Variants in TBC1D19 observed in about 807,000 individuals in gnomAD.
The protein encoded by TBC1D19 is TBC1 domain family member 19, also known as TBC1 domain family, member 19.
TBC1D19 carries 60 observed loss-of-function variants against 89.0 expected under a neutral mutation model. The observed-to-expected ratio is 0.67, with a 90% CI of 0.55 to 0.84. TBC1D19 has a LOEUF of 0.84. TBC1D19 is among the 40% of genes least tolerant of loss of function. TBC1D19 has a pLI of 0.00. For synonymous variants in TBC1D19, 189 were observed against 199.7 expected, an observed-to-expected ratio of 0.95 and a Z score of 0.45; for missense variants, 500 against 610.8, an observed-to-expected ratio of 0.82 and a Z score of 1.91.
chr4:26,622,140 T>G (rs1190170843), intron 4 of TBC1D19, among the ~76,000 whole-genome samples: 1 of 152,034 alleles, frequency 6.6e-6, no homozygotes, highest in East Asian at 1.9e-4. Context: ...ATATACCTGA[T>G]GCTAAATGAC....
intron 12 of TBC1D19, among the ~76,000 whole-genome samples, chr4:26,685,223 G>C (rs1049584774): frequency 6.6e-6 from 1 of 152,250 alleles, no homozygotes; most frequent in Admixed American, 6.5e-5. Context: ...GTGTGCACAA[G>C]AGAACAGCAG....
chr4:26,696,151 G>A (rs990917435), intron 13 of TBC1D19, among the ~76,000 whole-genome samples: 1 of 152,134 alleles, frequency 6.6e-6, no homozygotes, highest in African/African-American at 2.4e-5. Context: ...TCAAAATAAA[G>A]GGATGGAGGA....
chr4:26,748,188 C>T (rs1341078212), intron 18 of TBC1D19, among the ~76,000 whole-genome samples: 1 of 152,062 alleles, frequency 6.6e-6, no homozygotes, highest in Non-Finnish European at 1.5e-5. Context: ...AAAGGAGGAC[C>T]CAGCATGTGT....
At chr4:26,640,871 T>A (rs1291808388) in intron 7 of TBC1D19, among the ~76,000 whole-genome samples, 13 of 152,238 alleles carry the variant, frequency 8.5e-5, no homozygotes, top group Non-Finnish European at 1.9e-4. Flanking sequence ...TAGTTGAGGC[T>A]TGAGTAGGTA....
Position 26,753,818 on chromosome 4 carries a change from A to C in TBC1D19, c.1436-2A>C, listed in dbSNP as rs781740136. The C allele has an allele frequency of 6.2e-7, 1 of 1,613,832 alleles. No homozygotes were observed. Among genetic ancestry groups the C allele is most frequent in the Non-Finnish European group, 8.5e-7 (1 of 1,179,800 alleles). Reference sequence around the variant, plus strand: ...GTTGAAGTAGTGTGCATTCTTTTCCAGTGCTGGCAGCTGCCGTGTTTGCTT... The same window carrying C: ...GTTGAAGTAGTGTGCATTCTTTTCCCGTGCTGGCAGCTGCCGTGTTTGCTT... On this transcript the variant is annotated splice_acceptor_variant, in intron 19 of 20. Coordinates refer to ENST00000264866, the MANE Select transcript of TBC1D19 (RefSeq NM_018317.4). LOFTEE classifies it high-confidence loss of function.
chr4:26,697,263 T>C (rs1714874174), intron 13 of TBC1D19, among the ~76,000 whole-genome samples: 1 of 151,978 alleles, frequency 6.6e-6, no homozygotes, highest in African/African-American at 2.4e-5. Flanking sequence ...CTAGAAGAAA[T>C]GGATAAATTC....
intron 13 of TBC1D19, among the ~76,000 whole-genome samples, chr4:26,706,257 T>C (rs1291171808): frequency 6.6e-6 from 1 of 152,204 alleles, no homozygotes; most frequent in Non-Finnish European, 1.5e-5. Flanking sequence ...TTAGTCTTGG[T>C]TGACTTTGTG....
chr4:26,598,586 G>C (rs1408534348), intron 1 of TBC1D19, among the ~76,000 whole-genome samples: 1 of 152,140 alleles, frequency 6.6e-6, no homozygotes, highest in African/African-American at 2.4e-5. Flanking sequence ...AGTAGAGACG[G>C]GGTTTCACCA....
intron 13 of TBC1D19, among the ~76,000 whole-genome samples, chr4:26,709,737 C>T (rs1323158050): frequency 2.0e-5 from 3 of 151,906 alleles, no homozygotes; most frequent in Non-Finnish European, 4.4e-5. Context: ...CAGTAGACTC[C>T]AGAGTTCTAA....
At chr4:26,582,785 C>T (rs947878834), upstream of TBC1D19, among the ~76,000 whole-genome samples, 34 of 152,154 alleles carry the variant, frequency 2.2e-4, no homozygotes, top group Non-Finnish European at 4.9e-4. Flanking sequence ...GATAAACCAA[C>T]TTTACCAAAT....
chr4:26,602,210 A>C (rs1416422359), intron 1 of TBC1D19, among the ~76,000 whole-genome samples: 3 of 152,206 alleles, frequency 2.0e-5, no homozygotes, highest in African/African-American at 4.8e-5. Flanking sequence ...TTTTCTCAAG[A>C]AGCTTATAGT....
At chr4:26,741,219 G>T (rs938786891) in intron 17 of TBC1D19, among the ~76,000 whole-genome samples, 1 of 151,874 alleles carries the variant, frequency 6.6e-6, no homozygotes, top group East Asian at 1.9e-4. Flanking sequence ...AGCCTGGCGC[G>T]GTGGCGGGCG....
intron 1 of TBC1D19, among the ~76,000 whole-genome samples, chr4:26,605,639 A>G (rs1276734204): frequency 6.6e-6 from 1 of 152,166 alleles, no homozygotes; most frequent in Non-Finnish European, 1.5e-5. Context: ...ACTGACTTCC[A>G]CAATGGTTGA....
At chr4:26,765,798 G>A in the TBC1D19 span, among the ~76,000 whole-genome samples, 1 of 152,168 alleles carries the variant, frequency 6.6e-6, no homozygotes, top group East Asian at 1.9e-4. Context: ...TTCTAATCTA[G>A]TGAATTTGGT....
At chr4:26,783,079 A>G in the TBC1D19 span, among the ~76,000 whole-genome samples, 1 of 152,364 alleles carries the variant, frequency 6.6e-6, no homozygotes, top group East Asian at 1.9e-4. Context: ...ATCAGCTTCA[A>G]GCATGGATCA....
At chr4:26,856,894 G>A in the TBC1D19 span, among the ~76,000 whole-genome samples, 1 of 152,202 alleles carries the variant, frequency 6.6e-6, no homozygotes, top group Admixed American at 6.5e-5. Context: ...GCTTTAGCGG[G>A]CAAAGTTAAC....
the TBC1D19 span, among the ~76,000 whole-genome samples, chr4:26,851,576 T>A: frequency 6.6e-6 from 1 of 152,216 alleles, no homozygotes; most frequent in East Asian, 1.9e-4. Flanking sequence ...AAACTCAAGC[T>A]ACTGAATTCC....
chr4:26,695,689 G>T (rs1297882512), intron 13 of TBC1D19, among the ~76,000 whole-genome samples: 1 of 152,218 alleles, frequency 6.6e-6, no homozygotes, highest in African/African-American at 2.4e-5. Context: ...CCAGAAGGGA[G>T]TGGGGGCCAA....
At chr4:26,819,119 G>GC in the TBC1D19 span, among the ~76,000 whole-genome samples, 2 of 152,236 alleles carry the variant, frequency 1.3e-5, no homozygotes, top group Non-Finnish European at 2.9e-5. Context: ...AAAGACAAAA[G>GC]AAATCCCCAG....
Sources: allele counts gnomAD v4.1 joint callset (sites outside exome capture counted in the v4.1 genomes callset), GRCh38; gene constraint gnomAD v4.1.1; transcripts MANE v1.5; gene names NCBI Gene and HGNC (gene_info 2026-07-23, HGNC 2026-07-21).